The following MYO1E variants were observed in gnomAD, a reference collection of about 807,000 sequenced individuals.
MYO1E encodes unconventional myosin-Ie.
A neutral mutation model predicts 151.1 loss-of-function variants in MYO1E; 68 were observed. The observed-to-expected ratio is 0.45, with a 90% CI of 0.37 to 0.55. MYO1E has a LOEUF of 0.55. Ranked by LOEUF, MYO1E falls within the 20% of genes least tolerant of loss-of-function variation. MYO1E has a pLI of 0.00. For missense variants in MYO1E, 1,363 were observed against 1,389.3 expected, an observed-to-expected ratio of 0.98 and a Z score of 0.30; for synonymous variants, 601 against 501.7, an observed-to-expected ratio of 1.20 and a Z score of -2.64.
At chr15:59,197,620 T>C (rs2079775809) in intron 16 of MYO1E, among the ~76,000 whole-genome samples, 1 of 152,194 alleles carries the variant, frequency 6.6e-6, no homozygotes, top group Non-Finnish European at 1.5e-5. Context: ...ACAATTTGCA[T>C]GAAAGAGAAG....
At chr15:59,209,847 T>G (rs2079867760) in intron 13 of MYO1E, among the ~76,000 whole-genome samples, 1 of 93,996 alleles carries the variant, frequency 1.1e-5, no homozygotes, top group Non-Finnish European at 2.0e-5. Context: ...TTTTTTTTTT[T>G]GAGACATGGT....
intron 25 of MYO1E, among the ~76,000 whole-genome samples, chr15:59,156,530 T>A (rs796181074): frequency 3.6e-4 from 55 of 152,350 alleles, no homozygotes; most frequent in African/African-American, 1.1e-3. Context: ...GGTTTTGCTG[T>A]GTTGCCCAGG....
At chr15:59,262,351 T>A (rs965982837) in intron 2 of MYO1E, among the ~76,000 whole-genome samples, 2 of 152,196 alleles carry the variant, frequency 1.3e-5, no homozygotes, top group African/African-American at 4.8e-5. Context: ...CAGTGGCTCA[T>A]GCCTGTCTGT....
At chr15:59,254,272 C>T (rs1335884058) in intron 4 of MYO1E, among the ~76,000 whole-genome samples, 1 of 152,140 alleles carries the variant, frequency 6.6e-6, no homozygotes, top group Non-Finnish European at 1.5e-5. Context: ...ACTGTAATCT[C>T]AAACTCCTGA....
intron 1 of MYO1E, among the ~76,000 whole-genome samples, chr15:59,303,447 T>C (rs1489446026): frequency 6.6e-6 from 1 of 151,984 alleles, no homozygotes; most frequent in Non-Finnish European, 1.5e-5. Context: ...GAGAATTGCT[T>C]GAACCCGAGG....
In MYO1E at chr15:59,161,183, C is replaced by T. The variant is rs1301716374; in HGVS notation, c.2675G>A (p.Gly892Glu). Residue 892 changes from glycine (G) to glutamate (E), a missense_variant, in exon 24 of 28, where the codon GGG becomes GAG. Coordinates refer to ENST00000288235, the MANE Select transcript of MYO1E (RefSeq NM_004998.4). ...KKENWGPWSA[G>E]GSRQVQFHQG... ...GTGGAACTGCACTTGCCGGGAGCCC[C>T]CTGCACTCCAGGGGCCCCAGTTTTC... 6.2e-7 allele frequency: 1 copy of T among 1,614,056 alleles called. No individual in the cohort carries two copies. Among genetic ancestry groups the T allele is most frequent in the East Asian group, 2.2e-5 (1 of 44,852 alleles).
intron 22 of MYO1E, among the ~76,000 whole-genome samples, chr15:59,165,789 G>A (rs1056373994): frequency 5.9e-5 from 9 of 152,190 alleles, no homozygotes; most frequent in East Asian, 3.9e-4. Flanking sequence ...GTAAGAACCC[G>A]GCTGCATTAG....
chr15:59,372,206 G>T (rs563980647), intron 1 of MYO1E, among the ~76,000 whole-genome samples: 1 of 151,982 alleles, frequency 6.6e-6, no homozygotes, highest in Admixed American at 6.5e-5. Flanking sequence ...CCTCGCAGCC[G>T]ATGCGCCCAC....
At position 59,200,855 on chromosome 15, in the gene MYO1E, G is replaced by A. The variant is rs145016157; in HGVS notation, c.1698+1471C>T. Among the ~76,000 whole-genome samples the A allele has an allele frequency of 3.2e-3, 480 of 152,156 alleles. 1 individual carries two copies. Among genetic ancestry groups the A allele is most frequent in the African/African-American group, 1.0e-2 (413 of 41,502 alleles). ...GATAGACTCCATTTTACAGGGAAGC[G>A]GTGAGGGCACTGAGAGCGTAAGTAA... On this transcript the variant is annotated intron_variant, in intron 16 of 27. Transcript: ENST00000288235.
intron 1 of MYO1E, among the ~76,000 whole-genome samples, chr15:59,342,519 G>C (rs2080771776): frequency 6.6e-6 from 1 of 152,180 alleles, no homozygotes; most frequent in Non-Finnish European, 1.5e-5. Flanking sequence ...TTGGTGAAGT[G>C]TGTTGCTTGT....
At position 59,155,574 on chromosome 15, in the gene MYO1E, G is replaced by A. The variant is rs143865424; in HGVS notation, c.2879-1783C>T. ...AACTTTGTGGCCTGATTTGATCTGA[G>A]GCTACTTTGGCCAACCTAGCTGAGG... On this transcript the variant is annotated intron_variant, in intron 25 of 27. Transcript: ENST00000288235. Among the ~76,000 whole-genome samples, 512 of 152,242 alleles carry A rather than the reference G, an allele frequency of 3.4e-3. 1 individual carries two copies. The highest frequency in any genetic ancestry group is 0.012 in the African/African-American group (484 of 41,542).
intron 4 of MYO1E, among the ~76,000 whole-genome samples, chr15:59,247,265 G>C (rs1040000057): frequency 1.3e-5 from 2 of 152,220 alleles, no homozygotes; most frequent in Admixed American, 1.3e-4. Context: ...AGGAGCTCAA[G>C]TCCAGGGGTA....
rs147331478 is a variant in MYO1E, at chr15:59,195,523, G to A, written c.1743C>T (p.Pro581=). 7.0e-4 allele frequency: 1,122 copies of A among 1,614,086 alleles called. 1 individual carries two copies. Among genetic ancestry groups the A allele is most frequent in the Middle Eastern group, 1.8e-3 (11 of 6,062 alleles). Residue 581 remains proline, a synonymous_variant, in exon 17 of 28, where the codon CCC becomes CCT. Transcript: ENST00000288235. ...TTGGCTTGATGCAGCGAATGTAGTG[G>A]GGCGTACATTTCATCAGGGTGCTCA... The part of the protein sequence containing the change: ...DLVSTLMKCT[P]HYIRCIKPNE...
At chr15:59,211,473 C>T (rs533317765) in intron 12 of MYO1E, among the ~76,000 whole-genome samples, 3 of 151,600 alleles carry the variant, frequency 2.0e-5, no homozygotes, top group African/African-American at 7.3e-5. Context: ...TTCAATCAAT[C>T]CCATGGCTTT....
At chr15:59,229,271 C>A (rs1164399370) in intron 6 of MYO1E, among the ~76,000 whole-genome samples, 1 of 152,166 alleles carries the variant, frequency 6.6e-6, no homozygotes, top group Admixed American at 6.5e-5. Context: ...ACCTGGGGAG[C>A]CTTTCCAACA....
At chr15:59,216,687 CACAT>C (rs1255578289) in intron 10 of MYO1E, among the ~76,000 whole-genome samples, 19 of 13,444 alleles carry the variant, frequency 1.4e-3, no homozygotes, top group African/African-American at 3.9e-3. Context: ...TATATATATA[CACAT>C]ACACACACAC....
chr15:59,278,266 G>A (rs1393971130), intron 1 of MYO1E, among the ~76,000 whole-genome samples: 1 of 152,194 alleles, frequency 6.6e-6, no homozygotes, highest in African/African-American at 2.4e-5. Context: ...TGCCCCCAGT[G>A]TTATAAGTAG....
chr15:59,166,385 T>C (rs1290343209), intron 22 of MYO1E, among the ~76,000 whole-genome samples: 1 of 152,244 alleles, frequency 6.6e-6, no homozygotes, highest in Non-Finnish European at 1.5e-5. Flanking sequence ...AAAGACCTCT[T>C]CCTAGTCTCT....
At chr15:59,335,688 A>G (rs1349419296) in intron 1 of MYO1E, among the ~76,000 whole-genome samples, 1 of 152,156 alleles carries the variant, frequency 6.6e-6, no homozygotes, top group Non-Finnish European at 1.5e-5. Context: ...ATTAGACCTC[A>G]TGCCTCAGAG....
Sources: allele counts gnomAD v4.1 joint callset (sites outside exome capture counted in the v4.1 genomes callset), GRCh38; gene constraint gnomAD v4.1.1; transcripts MANE v1.5; gene names NCBI Gene and HGNC (gene_info 2026-07-23, HGNC 2026-07-21).